Variants in ERICH6 observed in about 807,000 individuals in gnomAD.
ERICH6 encodes glutamate-rich protein 6.
A neutral mutation model predicts 71.0 loss-of-function variants in ERICH6; 71 were observed. The observed-to-expected ratio is 1.00, with a 90% CI of 0.83 to 1.22. ERICH6 has a LOEUF of 1.22. Among genes scored for constraint, ERICH6 ranks in the 50% most tolerant of loss-of-function variants. The probability of loss-of-function intolerance (pLI) is 0.00; values close to 1 mark genes in which losing one functional copy is unlikely to be tolerated. For synonymous variants in ERICH6, 262 were observed against 278.4 expected (o/e 0.94, Z 0.59); for missense variants, 808 against 797.2 (o/e 1.01, Z -0.16).
At chr3:150,682,903 G>C (rs1712027032) in intron 6 of ERICH6, among the ~76,000 whole-genome samples, 1 of 152,080 alleles carries the variant, frequency 6.6e-6, no homozygotes, top group African/African-American at 2.4e-5. Context: ...AGGAGGAGGG[G>C]ACACAAAACA....
Position 150,680,922 on chromosome 3 carries a change from A to G in ERICH6, c.891T>C (p.Cys297=), listed in dbSNP as rs751148660. Residue 297 remains cysteine (C), a synonymous_variant, in exon 8 of 14, where the codon TGT becomes TGC. Coordinates refer to ENST00000295910, the MANE Select transcript of ERICH6 (RefSeq NM_152394.5). ...VSSEPKGHAS[C]CIAFQNLIDY... ...CAATCAGATTTTGGAAAGCAATACA[A>G]CAGGAGGCCTGGAAAACACAGAAGT... The G allele has an allele frequency of 6.7e-5, 108 of 1,608,924 alleles. No individual in the cohort carries two copies. In the Middle Eastern group the frequency reaches 1.5e-3, roughly 22 times the overall value.
intron 3 of ERICH6, among the ~76,000 whole-genome samples, chr3:150,695,616 C>A (rs1005596236): frequency 6.6e-6 from 1 of 151,988 alleles, no homozygotes; most frequent in African/African-American, 2.4e-5. Context: ...TACAGTGGGC[C>A]GAGATCGCGC....
At chr3:150,681,301 C>T (rs1199780064) in intron 7 of ERICH6, among the ~76,000 whole-genome samples, 1 of 152,192 alleles carries the variant, frequency 6.6e-6, no homozygotes, top group African/African-American at 2.4e-5. Flanking sequence ...ACATGTGGCA[C>T]TCTTTATGTC....
chr3:150,684,401 A>C (rs1354988078), intron 6 of ERICH6, among the ~76,000 whole-genome samples: 2 of 152,190 alleles, frequency 1.3e-5, no homozygotes, highest in Non-Finnish European at 2.9e-5. Flanking sequence ...AATAGCAATG[A>C]ACACCACCTC....
rs1054849786 is a variant in ERICH6, at chr3:150,686,155, C to G, written c.611-134G>C. ...GCACACACTGTTCAGATGCCCTGAT[C>G]CCTGACGTTTTCGCCACCTTCTCAC... On this transcript the variant is annotated intron_variant, in intron 4 of 13. Coordinates refer to ENST00000295910, the MANE Select transcript of ERICH6 (RefSeq NM_152394.5). 2.5e-6 allele frequency: 3 copies of G among 1,204,154 alleles called. No homozygotes were observed. The African/African-American group carries it at 4.5e-5, about 18-fold the overall frequency. The allele number at this position is 1,204,154 out of a possible 1,614,324, so 74.6% of individuals were successfully genotyped here.
chr3:150,702,889 A>AGTGT (rs10663390), intron 1 of ERICH6, among the ~76,000 whole-genome samples: 36,662 of 113,148 alleles, frequency 0.32, 6,692 homozygotes, highest in East Asian at 0.87. Context: ...AAATAATATG[A>AGTGT]GTGTGTGTGT....
rs182561267 is a variant in ERICH6 at position 150,690,025 on chromosome 3, A to C, written c.554-3671T>G. 1.3e-3 allele frequency among the ~76,000 whole-genome samples: 190 copies of C among 151,834 alleles called. 3 individuals carry two copies. Among genetic ancestry groups the C allele is most frequent in the African/African-American group, 4.5e-3 (188 of 41,436 alleles). On this transcript the variant is annotated intron_variant, in intron 3 of 13. Coordinates refer to ENST00000295910, the MANE Select transcript of ERICH6 (RefSeq NM_152394.5). ...TTATAAATGTCTTTGTTTAAAAAAA[A>C]TTTTTTTTTACATGCACTGTAAAAA...
intron 6 of ERICH6, among the ~76,000 whole-genome samples, chr3:150,683,293 A>G (rs1010124006): frequency 7.9e-5 from 12 of 152,222 alleles, no homozygotes; most frequent in African/African-American, 2.9e-4. Flanking sequence ...CTCGCACTAG[A>G]GAGATGATGG....
chr3:150,688,143 A>AT (rs1223418679), intron 3 of ERICH6, among the ~76,000 whole-genome samples: 5 of 152,024 alleles, frequency 3.3e-5, no homozygotes, highest in African/African-American at 4.8e-5. Context: ...AAATAAATAA[A>AT]TTTTTTTAAA....
At chr3:150,699,329 A>C (rs1488799031) in intron 2 of ERICH6, among the ~76,000 whole-genome samples, 2 of 152,128 alleles carry the variant, frequency 1.3e-5, no homozygotes, top group Non-Finnish European at 2.9e-5. Flanking sequence ...ACAAACAAAC[A>C]AATAAACCAT....
At chr3:150,673,638 G>C (rs899295194) in intron 11 of ERICH6, among the ~76,000 whole-genome samples, 4 of 151,932 alleles carry the variant, frequency 2.6e-5, no homozygotes, top group Admixed American at 2.0e-4. Flanking sequence ...GCCCATGCTG[G>C]AGTGCAGTGG....
intron 3 of ERICH6, 66 bp downstream of exon 3, chr3:150,698,725 A>G (rs541430826): frequency 1.5e-6 from 2 of 1,344,532 alleles, no homozygotes; most frequent in African/African-American, 2.9e-5. Context: ...CTGGCCTTCT[A>G]CACCTGTGAT....
chr3:150,665,938 T>A (rs1576546414), intron 13 of ERICH6, among the ~76,000 whole-genome samples: 2 of 152,216 alleles, frequency 1.3e-5, no homozygotes, highest in East Asian at 3.9e-4. Context: ...TACATCCATC[T>A]CTATTTGTAT....
rs764278049 is a variant in ERICH6, at chr3:150,686,295, T to C, written c.610+3A>G. 6.2e-7 allele frequency: 1 copy of C among 1,614,146 alleles called. No homozygotes were observed. Among genetic ancestry groups the C allele is most frequent in the South Asian group, 1.1e-5 (1 of 91,078 alleles). On this transcript the variant is annotated splice_donor_region_variant and intron_variant, in intron 4 of 13. Transcript: ENST00000295910. ...AAGGAGATGATGCCAAACATGTATT[T>C]ACCTCTTAACTTAGATGCCAGACAT...
intron 12 of ERICH6, among the ~76,000 whole-genome samples, chr3:150,668,422 T>A (rs1727493760): frequency 6.6e-6 from 1 of 152,120 alleles, no homozygotes; most frequent in Admixed American, 6.6e-5. Context: ...TGGTTTCCAG[T>A]CTAGAAACCA....
chr3:150,678,170 T>C (rs1009725855), intron 10 of ERICH6, among the ~76,000 whole-genome samples: 2 of 152,210 alleles, frequency 1.3e-5, no homozygotes, highest in African/African-American at 4.8e-5. Context: ...CTTTTAATTT[T>C]CTAAGGGTTC....
At chr3:150,681,619 T>C (rs1163861599) in intron 7 of ERICH6, among the ~76,000 whole-genome samples, 2 of 152,192 alleles carry the variant, frequency 1.3e-5, no homozygotes, top group African/African-American at 4.8e-5. Flanking sequence ...AAGGAACTAC[T>C]AGAGTGTTTT....
intron 2 of ERICH6, among the ~76,000 whole-genome samples, chr3:150,701,892 G>A (rs1712881658): frequency 6.6e-6 from 1 of 152,100 alleles, no homozygotes; most frequent in African/African-American, 2.4e-5. Flanking sequence ...ATTCTTTCAT[G>A]TTACATTGAT....
chr3:150,687,965 A>T lies in ERICH6; in HGVS notation c.554-1611T>A, dbSNP rs116133349. Among the ~76,000 whole-genome samples the T allele has an allele frequency of 8.5e-3, 1,285 of 151,948 alleles. 19 individuals are homozygous for T. Among genetic ancestry groups the T allele is most frequent in the African/African-American group, 0.029 (1,207 of 41,424 alleles). On this transcript the variant is annotated intron_variant, in intron 3 of 13. Transcript: ENST00000295910. ...AGACCTGGTCTCTATGAAAAACTTT[A>T]AAAAAAATTAGCTGGTTGTGGTGGT...
Sources: allele counts gnomAD v4.1 joint callset (sites outside exome capture counted in the v4.1 genomes callset), GRCh38; gene constraint gnomAD v4.1.1; transcripts MANE v1.5; gene names NCBI Gene and HGNC (gene_info 2026-07-23, HGNC 2026-07-21).